The following SUGCT variants were observed in gnomAD, a reference collection of about 807,000 sequenced individuals.
SUGCT encodes succinyl-CoA:glutarate-CoA transferase, also known as succinyl-CoA:glutarate CoA-transferase.
SUGCT carries 41 observed loss-of-function variants against 55.0 expected under a neutral mutation model. The observed-to-expected ratio is 0.74, with a 90% CI of 0.58 to 0.97. SUGCT has a LOEUF of 0.97. Among genes scored for constraint, SUGCT ranks in the 50% least tolerant of loss-of-function variants. The pLI is 0.00. For missense variants in SUGCT, 568 were observed against 547.8 expected (o/e 1.04, Z -0.37); for synonymous variants, 187 against 200.4 (o/e 0.93, Z 0.56).
At chr7:40,580,045 T>C (rs1429057680) in intron 12 of SUGCT, among the ~76,000 whole-genome samples, 1 of 152,230 alleles carries the variant, frequency 6.6e-6, no homozygotes. Flanking sequence ...CCTTAACTTT[T>C]GCCTAGATAT....
At chr7:40,300,095 A>G (rs1008220144) in intron 8 of SUGCT, among the ~76,000 whole-genome samples, 8 of 152,182 alleles carry the variant, frequency 5.3e-5, no homozygotes, top group African/African-American at 1.2e-4. Flanking sequence ...GCAAAACCCT[A>G]AGTAAGCTGT....
At chr7:40,285,735 G>A (rs779902456) in intron 8 of SUGCT, among the ~76,000 whole-genome samples, 23 of 152,076 alleles carry the variant, frequency 1.5e-4, no homozygotes, top group Non-Finnish European at 2.2e-4. Context: ...TCACAGAATG[G>A]GTATGAGGTA....
the SUGCT span, among the ~76,000 whole-genome samples, chr7:40,948,518 C>G: frequency 6.6e-6 from 1 of 152,022 alleles, no homozygotes; most frequent in Non-Finnish European, 1.5e-5. Context: ...AGATTTGTTA[C>G]GTAGGTATAC....
intron 13 of SUGCT, among the ~76,000 whole-genome samples, chr7:40,844,059 T>G (rs1793427147): frequency 6.6e-6 from 1 of 152,062 alleles, no homozygotes; most frequent in South Asian, 2.1e-4. Context: ...AACCAGCCAG[T>G]TGCTCCTCTC....
At chr7:40,393,507 T>G (rs374145297) in intron 9 of SUGCT, among the ~76,000 whole-genome samples, 28 of 152,060 alleles carry the variant, frequency 1.8e-4, no homozygotes, top group African/African-American at 6.8e-4. Flanking sequence ...TCCTTTTTCA[T>G]GTATTGTGGA....
intron 13 of SUGCT, among the ~76,000 whole-genome samples, chr7:40,825,497 G>A (rs1313942721): frequency 6.6e-6 from 1 of 152,110 alleles, no homozygotes; most frequent in African/African-American, 2.4e-5. Context: ...GAAGTACATG[G>A]CATAGGTTCG....
At chr7:40,730,440 A>G (rs2128694798) in intron 12 of SUGCT, among the ~76,000 whole-genome samples, 1 of 152,302 alleles carries the variant, frequency 6.6e-6, no homozygotes, top group Admixed American at 6.5e-5. Context: ...TAATAATGAT[A>G]TATATTTCTC....
chr7:40,565,034 A>T (rs1164439920), intron 12 of SUGCT, among the ~76,000 whole-genome samples: 1 of 152,224 alleles, frequency 6.6e-6, no homozygotes, highest in Non-Finnish European at 1.5e-5. Context: ...AACTAGAGAA[A>T]CTGGATTCTG....
intron 12 of SUGCT, among the ~76,000 whole-genome samples, chr7:40,702,038 G>A (rs750667893): frequency 6.6e-6 from 1 of 152,204 alleles, no homozygotes; most frequent in East Asian, 1.9e-4. Flanking sequence ...CATCATCACA[G>A]GATTCAACTC....
At chr7:40,303,285 C>T (rs531328819) in intron 8 of SUGCT, among the ~76,000 whole-genome samples, 8 of 152,268 alleles carry the variant, frequency 5.3e-5, no homozygotes, top group South Asian at 4.1e-4. Flanking sequence ...CCGCCTGCCT[C>T]GGCCTCCCAA....
chr7:40,701,137 T>C (rs1335911195), intron 12 of SUGCT, among the ~76,000 whole-genome samples: 1 of 152,186 alleles, frequency 6.6e-6, no homozygotes, highest in Non-Finnish European at 1.5e-5. Context: ...AGATTTTAAA[T>C]GTGAAGACAG....
the SUGCT span, among the ~76,000 whole-genome samples, chr7:41,021,970 A>G: frequency 7.7e-6 from 1 of 129,866 alleles, no homozygotes; most frequent in Non-Finnish European, 1.8e-5. Flanking sequence ...AGTCTTAGGC[A>G]GCCTAAAATA....
chr7:40,866,620 C>T, the SUGCT span, among the ~76,000 whole-genome samples: 1 of 151,686 alleles, frequency 6.6e-6, no homozygotes, highest in Non-Finnish European at 1.5e-5. Flanking sequence ...CAGACTGAAG[C>T]CCCCATTCTC....
chr7:40,971,240 C>G, the SUGCT span, among the ~76,000 whole-genome samples: 3 of 152,204 alleles, frequency 2.0e-5, no homozygotes, highest in East Asian at 3.9e-4. Context: ...TTTACACAAC[C>G]AGGTCTCATG....
intron 12 of SUGCT, among the ~76,000 whole-genome samples, chr7:40,670,517 C>G (rs756715110): frequency 6.6e-6 from 1 of 152,060 alleles, no homozygotes; most frequent in South Asian, 2.1e-4. Context: ...AGATATACTA[C>G]GAACAACTAT....
the SUGCT span, among the ~76,000 whole-genome samples, chr7:41,005,975 T>A: frequency 3.9e-5 from 6 of 152,338 alleles, no homozygotes; most frequent in African/African-American, 1.4e-4. Context: ...TTTCTCCCAG[T>A]TGGCTTGCAG....
At chr7:40,509,490 C>G (rs1276939432) in intron 12 of SUGCT, among the ~76,000 whole-genome samples, 1 of 152,178 alleles carries the variant, frequency 6.6e-6, no homozygotes, top group Non-Finnish European at 1.5e-5. Flanking sequence ...CCCATTCCCT[C>G]TTTTGTCACT....
At chr7:40,304,903 A>G (rs913937714) in intron 8 of SUGCT, among the ~76,000 whole-genome samples, 1 of 152,164 alleles carries the variant, frequency 6.6e-6, no homozygotes, top group South Asian at 2.1e-4. Context: ...GCATCCCTTT[A>G]TAATTATGAT....
At chr7:40,476,656 G>A (rs188720145) in intron 11 of SUGCT, among the ~76,000 whole-genome samples, 113 of 151,958 alleles carry the variant, frequency 7.4e-4, no homozygotes, top group Non-Finnish European at 1.3e-3. Context: ...AGTATACTAA[G>A]GGATTTTGAT....
Sources: gnomAD v4.1 joint callset for allele counts (sites outside exome capture counted in the v4.1 genomes callset) on GRCh38, gnomAD v4.1.1 for gene constraint, MANE v1.5 for transcripts, NCBI Gene and HGNC (gene_info 2026-07-23, HGNC 2026-07-21) for gene names.